IKZF4: variants seen among roughly 807,000 people sequenced by gnomAD.
IKZF4 encodes zinc finger protein Eos.
IKZF4 carries 11 observed loss-of-function variants against 47.7 expected under a neutral mutation model. That is an observed-to-expected ratio of 0.23 (90% confidence interval 0.15 to 0.38). The LOEUF is 0.38. IKZF4 is among the 10% of genes least tolerant of loss of function. The pLI is 1.00. For missense variants in IKZF4, 557 were observed against 784.9 expected (o/e 0.71, Z 3.47); for synonymous variants, 298 against 299.4 (o/e 1.00, Z 0.05).
chr12:56,021,673 T>G (rs1893004235), intron 1 of IKZF4, 93 bp downstream of exon 1: 4 of 1,305,664 alleles, frequency 3.1e-6, no homozygotes, highest in Admixed American at 2.2e-5. Context: ...CCTGAGGAGA[T>G]GGAGAGGATG....
chr12:56,033,106 T>C, intron 6 of IKZF4, 84 bp from the exon 7 acceptor site: 1 of 1,540,260 alleles, frequency 6.5e-7, no homozygotes, highest in Non-Finnish European at 8.9e-7. Flanking sequence ...GCTACTGACC[T>C]GCTGGTTTTC....
At position 56,013,812 on chromosome 12, in the gene IKZF4, C is replaced by T. The variant is rs1459328144; in HGVS notation, c.-214+2318C>T. 4.6e-5 allele frequency among the ~76,000 whole-genome samples: 7 copies of T among 152,314 alleles called. No homozygotes were observed. In the South Asian group the frequency reaches 1.4e-3, roughly 32 times the overall value. On this transcript the variant is annotated intron_variant, in intron 2 of 11. Transcript: ENST00000262032. ...AAACCAGGACTGAGAACAGCAGTTTCAATCCAATGCCCTCTCACTTCCAGG... is the reference window on the plus strand; with the variant it reads ...AAACCAGGACTGAGAACAGCAGTTTTAATCCAATGCCCTCTCACTTCCAGG...
At chr12:56,017,223 T>TGGGGGGGGGGGGGGG (rs1892199393), upstream of IKZF4, among the ~76,000 whole-genome samples, 3 of 122,510 alleles carry the variant, frequency 2.4e-5, no homozygotes, top group Admixed American at 9.0e-5. Flanking sequence ...AAATTCAGAC[T>TGGGGGGGGGGGGGGG]CCCCCCCCGC....
intron 1 of IKZF4, among the ~76,000 whole-genome samples, chr12:56,009,156 A>G (rs1297563723): frequency 6.6e-6 from 1 of 152,122 alleles, no homozygotes; most frequent in Non-Finnish European, 1.5e-5. Context: ...ACATGCTCAC[A>G]TGTCAGCTTT....
At chr12:56,018,970 C>A (rs2136601145), upstream of IKZF4, among the ~76,000 whole-genome samples, 1 of 152,228 alleles carries the variant, frequency 6.6e-6, no homozygotes, top group South Asian at 2.1e-4. Context: ...GTAATCCCAG[C>A]ACTTTGGGAG....
At chr12:56,018,875 G>A (rs1277332085), upstream of IKZF4, among the ~76,000 whole-genome samples, 1 of 151,146 alleles carries the variant, frequency 6.6e-6, no homozygotes, top group Non-Finnish European at 1.5e-5. Context: ...CTGAGGTCAG[G>A]AGTTCGAGAC....
chr12:56,017,929 C>T (rs546712527), upstream of IKZF4, among the ~76,000 whole-genome samples: 489 of 152,250 alleles, frequency 3.2e-3, no homozygotes, highest in Non-Finnish European at 4.5e-3. Context: ...CTCGAGTGAT[C>T]CTCCCACCTT....
chr12:56,017,238 C>T (rs1041030340), upstream of IKZF4, among the ~76,000 whole-genome samples: 2 of 143,322 alleles, frequency 1.4e-5, no homozygotes, highest in Non-Finnish European at 3.0e-5. Flanking sequence ...CCCCGCCCCC[C>T]CCGTCCTTTT....
At chr12:56,022,397 A>G (rs1893173470) in intron 1 of IKZF4, among the ~76,000 whole-genome samples, 1 of 152,182 alleles carries the variant, frequency 6.6e-6, no homozygotes, top group Non-Finnish European at 1.5e-5. Context: ...ACTTTGAGCA[A>G]GAAAATTTCT....
intron 2 of IKZF4, among the ~76,000 whole-genome samples, chr12:56,015,217 C>T (rs1351361981): frequency 3.3e-5 from 5 of 151,430 alleles, no homozygotes; most frequent in Non-Finnish European, 5.9e-5. Context: ...GCTGGGATTA[C>T]GGGCGCACCC....
intron 4 of IKZF4, 104 bp from the exon 5 acceptor site, chr12:56,027,676 C>T (rs1894249731): frequency 8.6e-7 from 1 of 1,166,910 alleles, no homozygotes; most frequent in African/African-American, 1.5e-5. Flanking sequence ...GCAATGTGTT[C>T]AGAGCACCTT....
intron 1 of IKZF4, among the ~76,000 whole-genome samples, chr12:56,008,119 G>A (rs1037696800): frequency 2.0e-5 from 3 of 152,172 alleles, no homozygotes; most frequent in Non-Finnish European, 4.4e-5. Context: ...AAAAAGCGAG[G>A]GACCCGGGTG....
chr12:56,025,231 C>T, intron 3 of IKZF4, 73 bp downstream of exon 3: 1 of 1,429,190 alleles, frequency 7.0e-7, no homozygotes. Context: ...TCACCTTCCA[C>T]TGGCAACCAT....
At position 56,035,600 on chromosome 12, in the gene IKZF4, A is replaced by C; in HGVS notation, c.*269A>C. 2.7e-6 allele frequency: 1 copy of C among 363,878 alleles called. No homozygotes were observed. Among genetic ancestry groups the C allele is most frequent in the South Asian group, 7.7e-5 (1 of 13,046 alleles). 22.5% of individuals were successfully genotyped at this position (363,878 alleles called of 1,614,324 possible). A position where few individuals can be genotyped will look rare whatever the true frequency, so the allele number is the denominator to read the frequency against. On this transcript the variant is annotated 3_prime_UTR_variant, in exon 8 of 8. Transcript: ENST00000547167. The surrounding 1 kb of genome is among the most constrained non-coding windows in gnomAD (Gnocchi z 6.1). ...GAGTTATTTATTAATTAGTTGATTT[A>C]TTTTTGCCTTTTTAAATTTTAACTT... is the stretch of plus-strand genomic sequence containing the variant.
chr12:56,027,952 GTGTC>G lies in IKZF4; in HGVS notation c.715+10_715+13del. On this transcript the variant is annotated splice_donor_region_variant and intron_variant, in intron 5 of 7. Transcript: ENST00000547167. The stretch of plus-strand genomic sequence containing the variant: ...GTCACCTCCGCACACACTCAGGTCA[GTGTC>G]TGTCCAGTGGGAGGAGGGAATGAGG... The G allele has an allele frequency of 6.5e-7, 1 of 1,546,828 alleles. No individual in the cohort carries two copies.
chr12:56,034,024 C>T (rs1702877), intron 7 of IKZF4, among the ~76,000 whole-genome samples: 37,984 of 151,888 alleles, frequency 0.25, 5,420 homozygotes, highest in Non-Finnish European at 0.33. Flanking sequence ...CTCAGCCTCC[C>T]GAGTAGCTGG....
At chr12:56,014,237 AT>A (rs1891721257) in intron 2 of IKZF4, among the ~76,000 whole-genome samples, 1 of 152,210 alleles carries the variant, frequency 6.6e-6, no homozygotes, top group African/African-American at 2.4e-5. Context: ...CTAAGTACTG[AT>A]TTTGCCCAAG....
chr12:56,026,092 T>C (rs1398436318), intron 3 of IKZF4, among the ~76,000 whole-genome samples: 2 of 151,926 alleles, frequency 1.3e-5, no homozygotes, highest in East Asian at 1.9e-4. Flanking sequence ...TACACCACCA[T>C]GCCCAGCTAA....
Position 56,035,650 on chromosome 12 carries a change from A to C in IKZF4, c.*319A>C. 4 of 221,742 alleles carry C rather than the reference A, an allele frequency of 1.8e-5. No individual in the cohort carries two copies. The highest frequency in any genetic ancestry group is 2.0e-4 in the East Asian group (2 of 9,960). 13.7% of individuals were successfully genotyped at this position (221,742 alleles called of 1,614,324 possible). A position where few individuals can be genotyped will look rare whatever the true frequency, so the allele number is the denominator to read the frequency against. On this transcript the variant is annotated 3_prime_UTR_variant, in exon 8 of 8. Coordinates refer to ENST00000547167, the MANE Select transcript of IKZF4 (RefSeq NM_022465.4). This position sits in a 1 kb window ranked among gnomAD's most constrained non-coding sequence, Gnocchi z 6.1. ...TATATCAGTCACTTGCCACTCCCCCACCCTCCTGTCCACAACTCCTTTCCA... is the reference window on the plus strand; with the variant it reads ...TATATCAGTCACTTGCCACTCCCCCCCCCTCCTGTCCACAACTCCTTTCCA...
Sources: gnomAD v4.1 joint callset for allele counts (sites outside exome capture counted in the v4.1 genomes callset) on GRCh38, gnomAD v4.1.1 for gene constraint, Gnocchi (gnomAD v3.1) non-coding constraint, MANE v1.5 for transcripts, NCBI Gene and HGNC (gene_info 2026-07-23, HGNC 2026-07-21) for gene names.